NBAS: variants seen among roughly 807,000 people sequenced by gnomAD.
The protein encoded by NBAS is NAG/BC035112 fusion.
In NBAS, 219 loss-of-function variants were observed where a neutral mutation model predicts 302.5. The ratio of observed to expected loss-of-function variants is 0.72; its 90% CI spans 0.65 to 0.81. The LOEUF is 0.81. NBAS is among the 30% of genes least tolerant of loss of function. NBAS has a pLI of 0.00. For missense variants in NBAS, 2,932 were observed against 2,841.6 expected, an observed-to-expected ratio of 1.03 and a Z score of -0.72; for synonymous variants, 1,118 against 1,021.6, an observed-to-expected ratio of 1.09 and a Z score of -1.80.
intron 44 of NBAS, among the ~76,000 whole-genome samples, chr2:15,257,896 A>G (rs1308114197): frequency 1.3e-5 from 2 of 152,226 alleles, no homozygotes; most frequent in African/African-American, 4.8e-5. Context: ...TATAAAATAG[A>G]AAACTGACAT....
the NBAS span, among the ~76,000 whole-genome samples, chr2:14,938,768 AG>A: frequency 6.6e-6 from 1 of 152,216 alleles, no homozygotes; most frequent in South Asian, 2.1e-4. Flanking sequence ...AAAGAAATTA[AG>A]GGTTATTGTG....
chr2:15,464,639 G>A (rs1679645111), intron 19 of NBAS, among the ~76,000 whole-genome samples: 1 of 151,882 alleles, frequency 6.6e-6, no homozygotes, highest in Non-Finnish European at 1.5e-5. Context: ...CATCTTCTCT[G>A]CCCCTCTTCA....
chr2:15,065,630 T>C, the NBAS span, among the ~76,000 whole-genome samples: 3 of 152,138 alleles, frequency 2.0e-5, no homozygotes, highest in African/African-American at 7.2e-5. Context: ...AAAACAATCT[T>C]ATTTATAGTA....
intron 9 of NBAS, among the ~76,000 whole-genome samples, chr2:15,533,689 T>TGC (rs1558418762): frequency 1.4e-4 from 4 of 27,666 alleles, no homozygotes. Flanking sequence ...CGTGTGTGTG[T>TGC]GTGTGTGTGT....
At chr2:15,078,581 G>A in the NBAS span, among the ~76,000 whole-genome samples, 1,895 of 152,250 alleles carry the variant, frequency 0.012, 20 homozygotes, top group Non-Finnish European at 0.021. Flanking sequence ...TTTGATCTCC[G>A]TCAGTTTCAC....
chr2:15,459,000 C>A (rs1383471160), intron 21 of NBAS, among the ~76,000 whole-genome samples: 1 of 152,208 alleles, frequency 6.6e-6, no homozygotes, highest in African/African-American at 2.4e-5. Flanking sequence ...TAGGGTATGA[C>A]TAAATTATTG....
chr2:14,906,780 T>C, the NBAS span, among the ~76,000 whole-genome samples: 1 of 152,200 alleles, frequency 6.6e-6, no homozygotes. Context: ...GTCCTCAACG[T>C]GGAGAAAACC....
chr2:15,056,067 C>T, the NBAS span, among the ~76,000 whole-genome samples: 1 of 146,892 alleles, frequency 6.8e-6, no homozygotes, highest in Non-Finnish European at 1.5e-5. Flanking sequence ...AAAATGGATT[C>T]AATTATATTA....
chr2:14,804,670 A>G, the NBAS span, among the ~76,000 whole-genome samples: 2 of 152,222 alleles, frequency 1.3e-5, no homozygotes, highest in African/African-American at 2.4e-5. Context: ...AGTGAAAATC[A>G]ACTTTATTTT....
chr2:15,294,439 G>A (rs188648313), intron 40 of NBAS, among the ~76,000 whole-genome samples: 47 of 152,298 alleles, frequency 3.1e-4, no homozygotes, highest in Non-Finnish European at 3.4e-4. Context: ...TATTCCTGGC[G>A]ACAGATTTAG....
At chr2:15,523,501 T>C (rs542978961) in intron 9 of NBAS, among the ~76,000 whole-genome samples, 1 of 152,308 alleles carries the variant, frequency 6.6e-6, no homozygotes, top group Non-Finnish European at 1.5e-5. Flanking sequence ...GCATAGATTA[T>C]ATGCAAATAC....
chr2:15,519,652 C>A (rs1431818923), intron 9 of NBAS, among the ~76,000 whole-genome samples: 1 of 151,942 alleles, frequency 6.6e-6, no homozygotes, highest in Non-Finnish European at 1.5e-5. Flanking sequence ...CCTATGTAGC[C>A]CAGGCTGGTC....
the NBAS span, among the ~76,000 whole-genome samples, chr2:15,102,087 T>C: frequency 3.8e-3 from 577 of 152,322 alleles, 2 homozygotes; most frequent in Non-Finnish European, 6.8e-3. Flanking sequence ...CTGTGGTTAG[T>C]AGCACATATA....
At chr2:15,053,790 T>C in the NBAS span, among the ~76,000 whole-genome samples, 1 of 151,852 alleles carries the variant, frequency 6.6e-6, no homozygotes, top group Non-Finnish European at 1.5e-5. Context: ...CATCCGGTTA[T>C]CTAAAGAAGC....
intron 40 of NBAS, among the ~76,000 whole-genome samples, chr2:15,303,719 T>C (rs1199323904): frequency 1.3e-5 from 2 of 152,198 alleles, no homozygotes; most frequent in Non-Finnish European, 2.9e-5. Flanking sequence ...AGTAATTTAC[T>C]ATCAGGGAAA....
At chr2:15,011,550 T>C in the NBAS span, among the ~76,000 whole-genome samples, 33 of 152,126 alleles carry the variant, frequency 2.2e-4, no homozygotes, top group Non-Finnish European at 4.6e-4. Flanking sequence ...ATCCTGGGCC[T>C]GAGAACTAGC....
chr2:15,420,531 C>A (rs992727263), intron 23 of NBAS, among the ~76,000 whole-genome samples: 1 of 151,236 alleles, frequency 6.6e-6, no homozygotes. Context: ...TTTATGCCCA[C>A]AAAAAGGGGA....
At chr2:14,981,791 A>T in the NBAS span, among the ~76,000 whole-genome samples, 1 of 152,218 alleles carries the variant, frequency 6.6e-6, no homozygotes, top group Non-Finnish European at 1.5e-5. Context: ...AGAAGGAGAG[A>T]CAAGAGAAAT....
intron 48 of NBAS, among the ~76,000 whole-genome samples, chr2:15,191,043 CCAAT>C (rs1334279595): frequency 6.6e-6 from 1 of 152,128 alleles, no homozygotes; most frequent in African/African-American, 2.4e-5. Context: ...AATCACATCT[CCAAT>C]GTCTCTGTGG....
Sources: gnomAD v4.1 joint callset for allele counts (sites outside exome capture counted in the v4.1 genomes callset) on GRCh38, gnomAD v4.1.1 for gene constraint, MANE v1.5 for transcripts, NCBI Gene and HGNC (gene_info 2026-07-23, HGNC 2026-07-21) for gene names.